Variants in SV2C observed in about 807,000 individuals in gnomAD.
SV2C encodes synaptic vesicle glycoprotein 2C, also known as solute carrier family 22 member B3.
In SV2C, 49 loss-of-function variants were observed where a neutral mutation model predicts 79.7. That is an observed-to-expected ratio of 0.61 (90% confidence interval 0.49 to 0.78). SV2C has a LOEUF of 0.78. SV2C is among the 30% of genes least tolerant of loss of function. The pLI, the probability that SV2C is intolerant of heterozygous loss-of-function variation, is 0.00. For synonymous variants in SV2C, 334 were observed against 333.2 expected, an observed-to-expected ratio of 1.00 and a Z score of -0.03; for missense variants, 833 against 912.9, an observed-to-expected ratio of 0.91 and a Z score of 1.13.
chr5:76,100,479 AC>A (rs1249039218), intron 1 of SV2C, among the ~76,000 whole-genome samples: 1 of 152,222 alleles, frequency 6.6e-6, no homozygotes, highest in Non-Finnish European at 1.5e-5. Context: ...GATAATGCCT[AC>A]TTTCTCTTCT....
At chr5:76,262,774 G>T (rs1378655838) in intron 4 of SV2C, among the ~76,000 whole-genome samples, 1 of 152,204 alleles carries the variant, frequency 6.6e-6, no homozygotes, top group Non-Finnish European at 1.5e-5. Context: ...GTTCTAATTT[G>T]ATTGCACTGT....
intron 1 of SV2C, among the ~76,000 whole-genome samples, chr5:76,123,942 A>T (rs774248705): frequency 5.3e-5 from 8 of 152,184 alleles, no homozygotes; most frequent in Non-Finnish European, 1.2e-4. Context: ...GTCTAAATTA[A>T]TTATATGCTC....
intron 1 of SV2C, among the ~76,000 whole-genome samples, chr5:76,128,625 A>G (rs1314723309): frequency 6.6e-6 from 1 of 152,232 alleles, no homozygotes; most frequent in East Asian, 1.9e-4. Flanking sequence ...ATGGAAGACT[A>G]TAATGTCTAT....
the SV2C span, among the ~76,000 whole-genome samples, chr5:75,882,009 T>C: frequency 1.3e-5 from 2 of 149,612 alleles, no homozygotes; most frequent in Non-Finnish European, 3.0e-5. Context: ...TAGCATGAAG[T>C]GTTGTTGAAT....
the SV2C span, chr5:75,921,383 T>G: frequency 1.1e-6 from 1 of 876,680 alleles, no homozygotes; most frequent in Admixed American, 1.7e-5. Flanking sequence ...GTAGGTGTCC[T>G]GCCCTGGGTC....
At chr5:76,198,222 T>C (rs1744331841) in intron 3 of SV2C, among the ~76,000 whole-genome samples, 1 of 152,206 alleles carries the variant, frequency 6.6e-6, no homozygotes, top group Admixed American at 6.5e-5. Flanking sequence ...TTTCCAAATC[T>C]TACGTTGAAA....
chr5:76,314,583 G>A (rs1427161764), intron 12 of SV2C, among the ~76,000 whole-genome samples: 13 of 152,094 alleles, frequency 8.5e-5, no homozygotes, highest in East Asian at 7.7e-4. Context: ...AGGGTGGGTC[G>A]GGCATGATGC....
Position 76,353,159 on chromosome 5 carries a change from G to A in SV2C, c.2030G>A (p.Ter677=). 2 of 447,724 alleles carry A rather than the reference G, an allele frequency of 4.5e-6. 1 individual carries two copies. Among genetic ancestry groups the A allele is most frequent in the South Asian group, 3.1e-5 (2 of 63,670 alleles). 27.7% of individuals were successfully genotyped at this position (447,724 alleles called of 1,614,324 possible). Residue 677 remains the stop codon, a stop_retained_variant, in exon 13 of 13, where the codon TGA becomes TAA. Transcript: ENST00000322285. ...AGAGTCTTGCCATGTTGCCCCGGCT[G>A]ATCTTGAACTCCTGGCCTCAAGCAA...
chr5:76,225,427 G>A (rs1038334741), intron 4 of SV2C, among the ~76,000 whole-genome samples: 9 of 152,210 alleles, frequency 5.9e-5, no homozygotes, highest in African/African-American at 9.6e-5. Flanking sequence ...GGCTTGGACA[G>A]GATACTTGCA....
chr5:76,028,303 T>C, the SV2C span, among the ~76,000 whole-genome samples: 1 of 152,230 alleles, frequency 6.6e-6, no homozygotes, highest in Non-Finnish European at 1.5e-5. Context: ...TTGTTTCAAA[T>C]GGGAGGGTAA....
chr5:75,932,541 T>A, the SV2C span, among the ~76,000 whole-genome samples: 1 of 152,272 alleles, frequency 6.6e-6, no homozygotes, highest in Non-Finnish European at 1.5e-5. Context: ...TAAGCATTAT[T>A]TCTATAGATT....
chr5:76,336,047 G>C (rs1254621837), downstream of SV2C, among the ~76,000 whole-genome samples: 8 of 145,358 alleles, frequency 5.5e-5, no homozygotes, highest in African/African-American at 2.0e-4. Context: ...AGCCGGGCGG[G>C]GGGCTGACCC....
the SV2C span, among the ~76,000 whole-genome samples, chr5:76,051,873 G>C: frequency 9.9e-5 from 15 of 151,984 alleles, no homozygotes; most frequent in Admixed American, 2.0e-4. Context: ...AAAAAAATGA[G>C]GGTAATAATT....
chr5:76,024,545 C>G, the SV2C span, among the ~76,000 whole-genome samples: 1 of 152,120 alleles, frequency 6.6e-6, no homozygotes, highest in Non-Finnish European at 1.5e-5. Flanking sequence ...GATAGTCACC[C>G]TTTTCCATAA....
At chr5:76,063,475 T>C in the SV2C span, among the ~76,000 whole-genome samples, 1 of 152,164 alleles carries the variant, frequency 6.6e-6, no homozygotes, top group Non-Finnish European at 1.5e-5. Context: ...GCAGCAATGC[T>C]GAAGGGTCTG....
the SV2C span, among the ~76,000 whole-genome samples, chr5:76,033,218 G>A: frequency 1.3e-5 from 2 of 152,074 alleles, no homozygotes; most frequent in East Asian, 3.9e-4. Flanking sequence ...TCTGATGGTA[G>A]TTTCTTTTGC....
the SV2C span, among the ~76,000 whole-genome samples, chr5:76,015,127 T>C: frequency 4.9e-4 from 75 of 152,296 alleles, no homozygotes; most frequent in Middle Eastern, 6.8e-3. Context: ...GCATGGGTGC[T>C]TAACAAAGGC....
At chr5:75,910,659 CCAAGA>C in the SV2C span, 2 of 1,066,364 alleles carry the variant, frequency 1.9e-6, no homozygotes, top group African/African-American at 3.7e-5. Flanking sequence ...GTGCAGAATG[CCAAGA>C]AGAAAGACGA....
the SV2C span, among the ~76,000 whole-genome samples, chr5:75,881,588 G>A: frequency 1.3e-5 from 2 of 151,914 alleles, no homozygotes; most frequent in Admixed American, 1.3e-4. Context: ...TCATGATTTG[G>A]CTCTCTGTTT....
Sources: allele counts gnomAD v4.1 joint callset (sites outside exome capture counted in the v4.1 genomes callset), GRCh38; gene constraint gnomAD v4.1.1; transcripts MANE v1.5; gene names NCBI Gene and HGNC (gene_info 2026-07-23, HGNC 2026-07-21).